The following MME variants were observed in gnomAD, a reference collection of about 807,000 sequenced individuals.
The protein encoded by MME is membrane metalloendopeptidase.
MME carries 98 observed loss-of-function variants against 113.2 expected under a neutral mutation model. The observed-to-expected ratio is 0.87, with a 90% confidence interval of 0.74 to 1.02. The LOEUF (loss-of-function observed/expected upper bound fraction) is 1.02. MME is among the 50% of genes least tolerant of loss of function. The pLI is 0.00. For missense variants in MME, 836 were observed against 896.0 expected (o/e 0.93, Z 0.86); for synonymous variants, 292 against 300.6 (o/e 0.97, Z 0.30).
chr3:155,142,633 A>G (rs1721200467), intron 12 of MME, among the ~76,000 whole-genome samples: 1 of 152,182 alleles, frequency 6.6e-6, no homozygotes, highest in African/African-American at 2.4e-5. Flanking sequence ...CTGTGTTAAA[A>G]GTAATTTCGG....
upstream of MME, among the ~76,000 whole-genome samples, chr3:155,076,422 C>T (rs1714752186): frequency 1.3e-5 from 2 of 152,180 alleles, no homozygotes; most frequent in Non-Finnish European, 2.9e-5. Context: ...CTCTAGGTCG[C>T]TTAAGTCCAG....
intron 3 of MME, among the ~76,000 whole-genome samples, chr3:155,101,378 G>A (rs910610840): frequency 2.0e-5 from 3 of 152,140 alleles, no homozygotes; most frequent in Non-Finnish European, 1.5e-5. Context: ...TGACAAATTG[G>A]TTGAGTACCA....
chr3:155,124,963 G>C (rs909359709), intron 8 of MME, among the ~76,000 whole-genome samples: 8 of 152,286 alleles, frequency 5.3e-5, no homozygotes, highest in Non-Finnish European at 1.0e-4. Context: ...CGAGCTTCCG[G>C]GCTGCTTTGT....
rs113956923 is a variant in MME at position 155,138,280 on chromosome 3, G to C, written c.855+44G>C. 245 of 1,595,698 alleles carry C rather than the reference G, an allele frequency of 1.5e-4. No individual in the cohort carries two copies. In the African/African-American group the frequency reaches 3.0e-3, roughly 20 times the overall value. On this transcript the variant is annotated intron_variant, in intron 9 of 22. Transcript: ENST00000360490. The stretch of plus-strand genomic sequence containing the variant: ...TCTGATACACTGAATAATGTCAACC[G>C]CTTTTTTTCTTTCCCCTCTCTATCA...
intron 1 of MME, among the ~76,000 whole-genome samples, chr3:155,031,983 A>T (rs1712989022): frequency 6.6e-6 from 1 of 152,228 alleles, no homozygotes; most frequent in South Asian, 2.1e-4. Context: ...TTAATTAAAC[A>T]TGCAGATAAA....
rs182153905 is a variant in MME at position 155,116,587 on chromosome 3, G to T, written c.439+28G>T. On this transcript the variant is annotated intron_variant, in intron 5 of 22. Transcript: ENST00000360490. Reference sequence around the variant, plus strand: ...AAGTGCTCTTCATTTGATTTCATTAGGAGTATATATATATATATATTGGTG... The same window carrying T: ...AAGTGCTCTTCATTTGATTTCATTATGAGTATATATATATATATATTGGTG... The T allele has an allele frequency of 3.1e-3, 3,477 of 1,117,322 alleles. 7 individuals are homozygous for T. Among genetic ancestry groups the T allele is most frequent in the Non-Finnish European group, 3.6e-3 (2,837 of 778,838 alleles). 69.2% of individuals were successfully genotyped at this position (1,117,322 alleles called of 1,614,324 possible).
intron 3 of MME, among the ~76,000 whole-genome samples, chr3:155,088,667 G>A (rs1261145538): frequency 1.6e-5 from 2 of 121,534 alleles, no homozygotes; most frequent in African/African-American, 6.1e-5. Context: ...TGGGCAACAA[G>A]ACTGAAACTC....
chr3:155,140,196 G>A lies in MME; in HGVS notation c.861G>A (p.Thr287=), dbSNP rs3213879. 1.9e-5 allele frequency: 31 copies of A among 1,608,464 alleles called. No homozygotes were observed. The highest frequency in any genetic ancestry group is 3.3e-5 in the Admixed American group (2 of 59,826). Residue 287 remains threonine, a synonymous_variant, in exon 10 of 23, where the codon ACG becomes ACA. Coordinates refer to ENST00000360490, the MANE Select transcript of MME (RefSeq NM_007289.4). The part of the protein sequence containing the change: ...MELEKEIANA[T]AKPEDRNDPM... ...ATTAAAAATTAAATCCATAGGCTAC[G>A]GCTAAACCTGAAGATCGAAATGATC...
At chr3:155,156,969 T>C (rs1722363730) in intron 16 of MME, among the ~76,000 whole-genome samples, 1 of 152,080 alleles carries the variant, frequency 6.6e-6, no homozygotes, top group Non-Finnish European at 1.5e-5. Context: ...GTCTTCTGCT[T>C]TTCTTCCCAG....
chr3:155,145,435 T>C (rs576005782), intron 14 of MME, among the ~76,000 whole-genome samples: 5 of 152,244 alleles, frequency 3.3e-5, no homozygotes, highest in African/African-American at 1.2e-4. Flanking sequence ...GTGATTTTAT[T>C]ATCATACGTG....
intron 3 of MME, among the ~76,000 whole-genome samples, chr3:155,093,596 G>A (rs966146014): frequency 3.3e-5 from 5 of 152,114 alleles, no homozygotes; most frequent in African/African-American, 4.8e-5. Context: ...TTTGGCTCAC[G>A]TCTATAATCC....
Position 155,168,725 on chromosome 3 carries a change from T to C in MME, c.1915-7T>C. On this transcript the variant is annotated splice_region_variant and splice_polypyrimidine_tract_variant and intron_variant, in intron 19 of 22. Coordinates refer to ENST00000360490, the MANE Select transcript of MME (RefSeq NM_007289.4). ...TAACAATCCTAATAAAGTGTCTTTT[T>C]TAACAGCTTAATGGAATTAATACAC... 1 of 1,613,268 alleles carries C rather than the reference T, an allele frequency of 6.2e-7. No individual in the cohort carries two copies. The highest frequency in any genetic ancestry group is 2.2e-5 in the East Asian group (1 of 44,816).
chr3:155,030,381 G>A lies in MME; in HGVS notation c.-11+6057G>A, dbSNP rs139580243. 4.4e-3 allele frequency among the ~76,000 whole-genome samples: 666 copies of A among 152,090 alleles called. 5 individuals are homozygous for A. The highest frequency in any genetic ancestry group is 0.015 in the East Asian group (78 of 5,160). Reference sequence around the variant, plus strand: ...ATTTTGGAGACCAATCTACACTTAGGTGGTCTTTTCAACTTTGCTTGTTTT... The same window carrying A: ...ATTTTGGAGACCAATCTACACTTAGATGGTCTTTTCAACTTTGCTTGTTTT... On this transcript the variant is annotated intron_variant, in intron 1 of 22. Coordinates refer to the MME transcript ENST00000492661.
At chr3:155,151,714 T>C (rs577299313) in intron 16 of MME, among the ~76,000 whole-genome samples, 1 of 152,142 alleles carries the variant, frequency 6.6e-6, no homozygotes. Flanking sequence ...CCTAGACTTA[T>C]CCCTTTCTGT....
chr3:155,033,143 C>A (rs1713027269), intron 1 of MME, among the ~76,000 whole-genome samples: 1 of 152,110 alleles, frequency 6.6e-6, no homozygotes, highest in South Asian at 2.1e-4. Flanking sequence ...ATTTACAGAA[C>A]AAGAACATTA....
intron 1 of MME, among the ~76,000 whole-genome samples, chr3:155,073,718 A>G (rs1035530784): frequency 6.6e-6 from 1 of 151,988 alleles, no homozygotes; most frequent in African/African-American, 2.4e-5. Context: ...TCTCTGTTGC[A>G]TATTCTTTTC....
intron 1 of MME, chr3:155,083,568 A>T (rs1398030282): frequency 6.4e-6 from 1 of 156,000 alleles, no homozygotes; most frequent in Non-Finnish European, 1.4e-5. Context: ...AGATACTGGT[A>T]TCAGTAGTAG....
intron 1 of MME, among the ~76,000 whole-genome samples, chr3:155,025,225 A>T (rs1269641658): frequency 2.6e-5 from 4 of 152,166 alleles, no homozygotes; most frequent in Non-Finnish European, 5.9e-5. Flanking sequence ...AATGGGGAGG[A>T]CACATCTACT....
intron 3 of MME, among the ~76,000 whole-genome samples, chr3:155,100,989 A>T (rs1717154624): frequency 6.6e-6 from 1 of 152,132 alleles, no homozygotes; most frequent in African/African-American, 2.4e-5. Context: ...AGGTATTTGG[A>T]TCATGGGGGC....
Sources: gnomAD v4.1 joint callset for allele counts (sites outside exome capture counted in the v4.1 genomes callset) on GRCh38, gnomAD v4.1.1 for gene constraint, MANE v1.5 for transcripts, NCBI Gene and HGNC (gene_info 2026-07-23, HGNC 2026-07-21) for gene names.